Variants in DOCK3 observed in about 807,000 individuals in gnomAD.
The protein encoded by DOCK3 is dedicator of cytokinesis 3.
DOCK3 carries 60 observed loss-of-function variants against 265.6 expected under a neutral mutation model. The observed-to-expected ratio is 0.23, with a 90% confidence interval of 0.18 to 0.28. DOCK3 has a LOEUF of 0.28. Among genes scored for constraint, DOCK3 ranks in the 10% least tolerant of loss-of-function variants. DOCK3 has a pLI of 1.00. For synonymous variants in DOCK3, 881 were observed against 938.0 expected (o/e 0.94, Z 1.11); for missense variants, 1,981 against 2,594.3 (o/e 0.76, Z 5.14).
chr3:51,307,691 A>G (rs532046797), intron 27 of DOCK3, among the ~76,000 whole-genome samples: 21 of 152,040 alleles, frequency 1.4e-4, no homozygotes, highest in Non-Finnish European at 1.6e-4. Context: ...GGCCTTCCCT[A>G]GGAATGTGCA....
At position 51,374,516 on chromosome 3, in the gene DOCK3, T is replaced by C; in HGVS notation, c.5341T>C (p.Leu1781=). ...GTACCGCCATGCCCGTGAAATGATG[T>C]TGTTGCTGCCCACATACCGGGACCG... ...DKYRHAREMM[L]LLPTYRDRPS... The change falls in exon 50 of 53, where the codon TTG becomes CTG. Residue 1781 remains leucine, a synonymous_variant. Transcript: ENST00000266037. This position sits in a 1 kb window ranked among gnomAD's most constrained non-coding sequence, Gnocchi z 4.8. The C allele has an allele frequency of 6.2e-7, 1 of 1,606,908 alleles. No individual in the cohort carries two copies. Among genetic ancestry groups the C allele is most frequent in the Non-Finnish European group, 8.5e-7 (1 of 1,173,550 alleles).
rs1187326244 is a variant in DOCK3 at position 51,049,826 on chromosome 3, C to T, written c.316-14622C>T. Among the ~76,000 whole-genome samples the T allele has an allele frequency of 2.9e-5, 3 of 104,032 alleles. No homozygotes were observed. The South Asian group carries it at 1.2e-3, about 43-fold the overall frequency. The allele number at this position is 104,032 out of a possible 152,430, so 68.2% of individuals were successfully genotyped here. On this transcript the variant is annotated intron_variant, in intron 5 of 52. Coordinates refer to ENST00000266037, the MANE Select transcript of DOCK3 (RefSeq NM_004947.5). ...ACACACACACACACACACACACACACACCCCAAAAAAACACTGTTAGAACT... is the reference window on the plus strand; with the variant it reads ...ACACACACACACACACACACACACATACCCCAAAAAAACACTGTTAGAACT...
chr3:50,684,779 C>T (rs572119259), intron 1 of DOCK3, among the ~76,000 whole-genome samples: 1 of 152,268 alleles, frequency 6.6e-6, no homozygotes, highest in South Asian at 2.1e-4. Flanking sequence ...GAGATTTTGT[C>T]TATTTCTGTT....
chr3:50,747,928 T>C (rs2039556177), intron 1 of DOCK3, among the ~76,000 whole-genome samples: 1 of 151,974 alleles, frequency 6.6e-6, no homozygotes, highest in African/African-American at 2.4e-5. Context: ...TATAGAAATG[T>C]GGTTGTTTTT....
At chr3:50,998,435 A>G (rs545238726) in intron 5 of DOCK3, among the ~76,000 whole-genome samples, 1 of 152,146 alleles carries the variant, frequency 6.6e-6, no homozygotes, top group South Asian at 2.1e-4. Flanking sequence ...GTTATTGCAG[A>G]CTCTTGGAGC....
intron 3 of DOCK3, among the ~76,000 whole-genome samples, chr3:50,850,438 T>A (rs1211812901): frequency 6.6e-6 from 1 of 152,196 alleles, no homozygotes; most frequent in Non-Finnish European, 1.5e-5. Flanking sequence ...AGTCCATGCT[T>A]TGAATTCTTT....
chr3:51,023,523 C>T (rs1410104135), intron 5 of DOCK3, among the ~76,000 whole-genome samples: 1 of 151,994 alleles, frequency 6.6e-6, no homozygotes, highest in Non-Finnish European at 1.5e-5. Context: ...TTAAGCGATT[C>T]TCCTGCATCA....
chr3:51,312,907 G>GT lies in DOCK3; in HGVS notation c.3253+11dup, dbSNP rs1303718005. On this transcript the variant is annotated splice_donor_region_variant and intron_variant, in intron 31 of 52. Transcript: ENST00000266037. ...TCAGCATGTGGCAGAATTTGGGTAG[G>GT]TTTTTTCTCCCTATTCTTCCCTTCT... The GT allele has an allele frequency of 3.7e-6, 6 of 1,602,296 alleles. No individual in the cohort carries two copies. The highest frequency in any genetic ancestry group is 3.4e-6 in the Non-Finnish European group (4 of 1,173,990).
intron 27 of DOCK3, among the ~76,000 whole-genome samples, chr3:51,302,547 A>G (rs529154387): frequency 2.0e-5 from 3 of 151,002 alleles, no homozygotes; most frequent in Admixed American, 6.6e-5. Context: ...TTTTTTTTGC[A>G]GTGACTAGTA....
rs1361160430 is a variant in DOCK3 at position 51,303,187 on chromosome 3, C to T, written c.2923-7045C>T. Among the ~76,000 whole-genome samples, 3 of 151,404 alleles carry T rather than the reference C, an allele frequency of 2.0e-5. No homozygotes were observed. The East Asian group carries it at 5.8e-4, about 29-fold the overall frequency. ...TCTTCAAGCTCTGAAATTATTTTCT[C>T]TGCTTGGTCTGTTCGGTTATTGATA... On this transcript the variant is annotated intron_variant, in intron 27 of 52. Coordinates refer to ENST00000266037, the MANE Select transcript of DOCK3 (RefSeq NM_004947.5).
At chr3:50,931,549 A>G (rs957113689) in intron 4 of DOCK3, among the ~76,000 whole-genome samples, 1 of 152,230 alleles carries the variant, frequency 6.6e-6, no homozygotes, top group Non-Finnish European at 1.5e-5. Flanking sequence ...TTCTCATTCA[A>G]TTTGAATTTG....
chr3:51,031,257 A>G (rs1351674799), intron 5 of DOCK3, among the ~76,000 whole-genome samples: 1 of 152,132 alleles, frequency 6.6e-6, no homozygotes, highest in Non-Finnish European at 1.5e-5. Flanking sequence ...ATCCTGATCA[A>G]TTTTAAGGGT....
At chr3:51,249,434 T>G in intron 22 of DOCK3, among the ~76,000 whole-genome samples, 1 of 65,964 alleles carries the variant, frequency 1.5e-5, no homozygotes, top group South Asian at 6.4e-4. Flanking sequence ...GGCGCCTCTG[T>G]CCGGCCGCCC....
At chr3:51,211,581 A>G (rs1265952491) in intron 13 of DOCK3, among the ~76,000 whole-genome samples, 1 of 148,268 alleles carries the variant, frequency 6.7e-6, no homozygotes, top group Non-Finnish European at 1.5e-5. Flanking sequence ...TCACTGTTCA[A>G]TTTCCCACCT....
intron 5 of DOCK3, among the ~76,000 whole-genome samples, chr3:50,949,375 A>T (rs1559852572): frequency 6.6e-6 from 1 of 152,204 alleles, no homozygotes; most frequent in Admixed American, 6.5e-5. Flanking sequence ...AGAAGAAAAA[A>T]TAATGACCAA....
At chr3:50,955,584 C>G (rs2076709090) in intron 5 of DOCK3, among the ~76,000 whole-genome samples, 1 of 152,070 alleles carries the variant, frequency 6.6e-6, no homozygotes, top group African/African-American at 2.4e-5. Flanking sequence ...GATGCGGGGA[C>G]AGAAAACCAA....
At chr3:51,030,690 C>T (rs1013136945) in intron 5 of DOCK3, among the ~76,000 whole-genome samples, 2 of 152,150 alleles carry the variant, frequency 1.3e-5, no homozygotes, top group Non-Finnish European at 2.9e-5. Context: ...GCAAATGTGT[C>T]AAGAGGAATA....
At chr3:50,834,897 G>A (rs781543443) in intron 2 of DOCK3, among the ~76,000 whole-genome samples, 1 of 152,108 alleles carries the variant, frequency 6.6e-6, no homozygotes, top group African/African-American at 2.4e-5. Context: ...AAGACAGAAA[G>A]CCATATTTCA....
At chr3:50,814,217 A>G (rs1374816296) in intron 2 of DOCK3, among the ~76,000 whole-genome samples, 1 of 152,208 alleles carries the variant, frequency 6.6e-6, no homozygotes, top group East Asian at 1.9e-4. Flanking sequence ...TAAATGTTAT[A>G]TTTTTCCATA....
Sources: gnomAD v4.1 joint callset for allele counts (sites outside exome capture counted in the v4.1 genomes callset) on GRCh38, gnomAD v4.1.1 for gene constraint, Gnocchi (gnomAD v3.1) non-coding constraint, MANE v1.5 for transcripts, NCBI Gene and HGNC (gene_info 2026-07-23, HGNC 2026-07-21) for gene names.